UBR2: variants seen among roughly 807,000 people sequenced by gnomAD.
UBR2 encodes ubiquitin protein ligase E3 component n-recognin 2.
Under a neutral mutation model 247.9 loss-of-function variants are expected in UBR2, and 92 were observed. The ratio of observed to expected loss-of-function variants is 0.37; its 90% CI spans 0.31 to 0.44. UBR2 has a LOEUF of 0.44. Among genes scored for constraint, UBR2 ranks in the 20% least tolerant of loss-of-function variants. The probability of loss-of-function intolerance (pLI) is 1.00; values close to 1 mark genes in which losing one functional copy is unlikely to be tolerated. For synonymous variants in UBR2, 672 were observed against 693.5 expected, an observed-to-expected ratio of 0.97 and a Z score of 0.49; for missense variants, 1,613 against 2,112.6, an observed-to-expected ratio of 0.76 and a Z score of 4.64.
chr6:42,677,760 G>C (rs1035013083), intron 40 of UBR2, among the ~76,000 whole-genome samples: 2 of 152,132 alleles, frequency 1.3e-5, no homozygotes, highest in Non-Finnish European at 2.9e-5. Context: ...AAAAGAGTGA[G>C]ACCCTGTCTC....
chr6:42,625,040 C>G (rs745491899), intron 11 of UBR2, among the ~76,000 whole-genome samples: 4 of 152,106 alleles, frequency 2.6e-5, no homozygotes, highest in Non-Finnish European at 4.4e-5. Flanking sequence ...GCCTACACCC[C>G]AGAATGACCA....
intron 25 of UBR2, among the ~76,000 whole-genome samples, chr6:42,653,652 G>A: frequency 1.5e-5 from 1 of 66,894 alleles, no homozygotes; most frequent in South Asian, 5.0e-4. Flanking sequence ...TTTTGCTCTT[G>A]TCACCCAGGC....
rs376425123 is a variant in UBR2, at chr6:42,679,869, G to T, written c.4718+37G>T. 1.3e-5 allele frequency: 19 copies of T among 1,479,990 alleles called. 1 individual carries two copies. In the South Asian group the frequency reaches 2.3e-4, roughly 18 times the overall value. The allele number at this position is 1,479,990 out of a possible 1,614,324, so 91.7% of individuals were successfully genotyped here. A position where few individuals can be genotyped will look rare whatever the true frequency, so the allele number is the denominator to read the frequency against. On this transcript the variant is annotated intron_variant, in intron 42 of 46. Coordinates refer to ENST00000372901, the MANE Select transcript of UBR2 (RefSeq NM_001363705.2). ...ATACTTTTCTTTGTTGTATTAAATA[G>T]CTCTATGGAACCAAACTTTAGTTAT...
In UBR2 at chr6:42,684,842, C is replaced by T; in HGVS notation, c.4824C>T (p.Ser1608=). The T allele has an allele frequency of 6.2e-6, 10 of 1,612,494 alleles. No individual in the cohort carries two copies. Among genetic ancestry groups the T allele is most frequent in the Non-Finnish European group, 8.5e-6 (10 of 1,179,182 alleles). ...TAATAAACCTTCCAGAGGATTACAG[C>T]AGCCTCATTAATCAAGCATCCAATT... ...NKLINLPEDY[S]SLINQASNFS... The change falls in exon 44 of 47, where the codon AGC becomes AGT. Residue 1608 remains serine (S), a synonymous_variant. Coordinates refer to ENST00000372901, the MANE Select transcript of UBR2 (RefSeq NM_001363705.2).
intron 11 of UBR2, among the ~76,000 whole-genome samples, chr6:42,627,821 A>C (rs1470649380): frequency 6.6e-6 from 1 of 152,040 alleles, no homozygotes; most frequent in Non-Finnish European, 1.5e-5. Flanking sequence ...CTTTGTTTTA[A>C]AGTCTTTAAA....
intron 2 of UBR2, among the ~76,000 whole-genome samples, chr6:42,588,316 C>T (rs552043004): frequency 4.6e-5 from 7 of 152,350 alleles, no homozygotes; most frequent in African/African-American, 1.7e-4. Context: ...ATGCCACCCT[C>T]CTAACACCTC....
chr6:42,577,277 A>G (rs1445844502), intron 2 of UBR2, among the ~76,000 whole-genome samples: 1 of 152,226 alleles, frequency 6.6e-6, no homozygotes, highest in Non-Finnish European at 1.5e-5. Context: ...TTAATGAGAA[A>G]GAATGATATT....
In UBR2 at chr6:42,644,252, G is replaced by T. The variant is rs1175795389; in HGVS notation, c.2136G>T (p.Met712Ile). Residue 712 changes from methionine (M) to isoleucine (I), a missense_variant, in exon 19 of 47, where the codon ATG (methionine) becomes ATT (isoleucine). Met to Ile is a conservative substitution (Grantham distance 10, BLOSUM62 1). Coordinates refer to ENST00000372901, the MANE Select transcript of UBR2 (RefSeq NM_001363705.2). ...TGATGGATCCAAATCATTTCCTGAT[G>T]ATCATGCTCAGCCGCTTTGAACTTT... is the stretch of plus-strand genomic sequence containing the variant. ...VSMMDPNHFL[M>I]IMLSRFELYQ... 1 of 1,610,018 alleles carries T rather than the reference G, an allele frequency of 6.2e-7. No individual in the cohort carries two copies. Among genetic ancestry groups the T allele is most frequent in the South Asian group, 1.1e-5 (1 of 90,832 alleles).
At chr6:42,649,322 T>A (rs1796973546) in intron 22 of UBR2, among the ~76,000 whole-genome samples, 1 of 152,212 alleles carries the variant, frequency 6.6e-6, no homozygotes, top group African/African-American at 2.4e-5. Context: ...TTTCACTTCC[T>A]TGTAGTCATG....
At chr6:42,684,445 A>C (rs866699709) in intron 43 of UBR2, among the ~76,000 whole-genome samples, 1 of 151,792 alleles carries the variant, frequency 6.6e-6, no homozygotes, top group East Asian at 1.9e-4. Context: ...TTAGCTGGGC[A>C]TGGTGGCGGG....
Position 42,652,511 on chromosome 6 carries a change from C to T in UBR2, c.2635C>T (p.Pro879Ser), listed in dbSNP as rs1263689681. Residue 879 changes from proline (P) to serine (S), a missense_variant, in exon 25 of 47, where the codon CCT becomes TCT. Transcript: ENST00000372901. ...EDTALPPPVL[P>S]PFCPLFASLV... ...TTCAGCACTCCCACCTCCGGTGTTG[C>T]CTCCATTCTGCCCTCTGTTTGCAAG... 6.2e-7 allele frequency: 1 copy of T among 1,608,848 alleles called. No homozygotes were observed. Among genetic ancestry groups the T allele is most frequent in the Admixed American group, 1.7e-5 (1 of 58,290 alleles).
chr6:42,678,734 G>T (rs1209994190), intron 41 of UBR2, 65 bp downstream of exon 41: 2 of 1,527,182 alleles, frequency 1.3e-6, no homozygotes, highest in East Asian at 4.6e-5. Context: ...CAAATATAAA[G>T]ATCACTTGCA....
chr6:42,623,086 A>G (rs1248906303), intron 11 of UBR2, among the ~76,000 whole-genome samples: 2 of 152,136 alleles, frequency 1.3e-5, no homozygotes, highest in South Asian at 2.1e-4. Context: ...TTTCTTTATT[A>G]TACTGGCTGG....
chr6:42,689,761 T>C lies in UBR2; in HGVS notation c.5126+91T>C. 1.8e-6 allele frequency: 2 copies of C among 1,133,842 alleles called. No individual in the cohort carries two copies. The highest frequency in any genetic ancestry group is 2.7e-6 in the Non-Finnish European group (2 of 751,992). The allele number at this position is 1,133,842 out of a possible 1,614,324, so 70.2% of individuals were successfully genotyped here. A position where few individuals can be genotyped will look rare whatever the true frequency, so the allele number is the denominator to read the frequency against. ...TGAGGGTGGAGGGCTGAGGTGGTTC[T>C]GGAAGAGGTGGCTGTGTTATCTGTG... is the stretch of plus-strand genomic sequence containing the variant. On this transcript the variant is annotated intron_variant, in intron 46 of 46. Coordinates refer to ENST00000372901, the MANE Select transcript of UBR2 (RefSeq NM_001363705.2). The surrounding 1 kb of genome is among the most constrained non-coding windows in gnomAD (Gnocchi z 4.0).
chr6:42,618,751 ACT>A (rs1794715398), intron 11 of UBR2, among the ~76,000 whole-genome samples: 1 of 152,334 alleles, frequency 6.6e-6, no homozygotes, highest in African/African-American at 2.4e-5. Flanking sequence ...ATTGATGGTA[ACT>A]CGAACTGGGA....
At chr6:42,677,639 C>T (rs1473039589) in intron 40 of UBR2, among the ~76,000 whole-genome samples, 1 of 151,928 alleles carries the variant, frequency 6.6e-6, no homozygotes, top group Non-Finnish European at 1.5e-5. Flanking sequence ...ATTAGCCAGG[C>T]ATGGTAGCAT....
chr6:42,666,674 T>C (rs1479548946), intron 34 of UBR2, among the ~76,000 whole-genome samples: 1 of 152,146 alleles, frequency 6.6e-6, no homozygotes, highest in Non-Finnish European at 1.5e-5. Flanking sequence ...TAATTCTAAA[T>C]ACAAACTGCT....
chr6:42,624,320 A>T (rs1395941531), intron 11 of UBR2, among the ~76,000 whole-genome samples: 92 of 119,820 alleles, frequency 7.7e-4, no homozygotes, highest in Non-Finnish European at 1.0e-3. Flanking sequence ...TTTTTTTTTT[A>T]GTGTTTGTTG....
At chr6:42,635,334 T>C (rs1796022010) in intron 13 of UBR2, 84 bp from the exon 14 acceptor site, 2 of 1,348,658 alleles carry the variant, frequency 1.5e-6, no homozygotes, top group Non-Finnish European at 2.0e-6. Context: ...TCAATATATA[T>C]TTCTCCTACA....
Sources: gnomAD v4.1 joint callset for allele counts (sites outside exome capture counted in the v4.1 genomes callset) on GRCh38, gnomAD v4.1.1 for gene constraint, Gnocchi (gnomAD v3.1) non-coding constraint, MANE v1.5 for transcripts, NCBI Gene and HGNC (gene_info 2026-07-23, HGNC 2026-07-21) for gene names.